Variants in ITGAM observed in about 807,000 individuals in gnomAD.
ITGAM encodes the protein integrin alpha-M.
ITGAM carries 79 observed loss-of-function variants against 137.5 expected under a neutral mutation model. The ratio of observed to expected loss-of-function variants is 0.57; its 90% CI spans 0.48 to 0.69. The LOEUF (loss-of-function observed/expected upper bound fraction) is 0.69, where lower values mean the gene tolerates loss of function less well. ITGAM is among the 30% of genes least tolerant of loss of function. The pLI is 0.00. For missense variants in ITGAM, 1,343 were observed against 1,483.5 expected (o/e 0.91, Z 1.56); for synonymous variants, 583 against 592.3 (o/e 0.98, Z 0.23).
In ITGAM at chr16:31,329,393, G is replaced by T. The variant is rs139940890; in HGVS notation, c.2868+90G>T. 4.9e-4 allele frequency: 462 copies of T among 948,706 alleles called. 7 individuals carry two copies. In the East Asian group the frequency reaches 0.012, roughly 24 times the overall value. The allele number at this position is 948,706 out of a possible 1,614,324, so 58.8% of individuals were successfully genotyped here. ...GCAGAAACAGGGATGGGAAATGTGC[G>T]CAAGGCACCTGTGGTGTGCCAGGCT... On this transcript the variant is annotated intron_variant, in intron 24 of 29. Transcript: ENST00000544665.
intron 14 of ITGAM, among the ~76,000 whole-genome samples, chr16:31,311,181 C>T (rs2080325887): frequency 6.6e-6 from 1 of 152,122 alleles, no homozygotes; most frequent in South Asian, 2.1e-4. Flanking sequence ...CATAAAAACC[C>T]TAGAAGAAAA....
chr16:31,267,872 G>A (rs1041343383), intron 5 of ITGAM, among the ~76,000 whole-genome samples: 1 of 152,000 alleles, frequency 6.6e-6, no homozygotes, highest in Admixed American at 6.6e-5. Context: ...TCGAATTCCT[G>A]GGCTCAAGAG....
intron 14 of ITGAM, among the ~76,000 whole-genome samples, chr16:31,300,678 A>G (rs958401975): frequency 4.6e-5 from 7 of 152,240 alleles, no homozygotes; most frequent in Non-Finnish European, 8.8e-5. Flanking sequence ...TGGGAAGCCG[A>G]GGCGGGTGTA....
chr16:31,271,706 C>A, intron 6 of ITGAM, 141 bp from the exon 7 acceptor site: 9 of 995,192 alleles, frequency 9.0e-6, no homozygotes, highest in Non-Finnish European at 1.2e-5. Flanking sequence ...AGCTCTCCGT[C>A]CTGGTGAGGC....
intron 12 of ITGAM, among the ~76,000 whole-genome samples, chr16:31,291,415 A>G (rs2080085730): frequency 6.6e-6 from 1 of 152,068 alleles, no homozygotes. Context: ...GAGCCTCCAT[A>G]TTGTTCTCTA....
At chr16:31,311,082 T>C (rs955521552) in intron 14 of ITGAM, among the ~76,000 whole-genome samples, 2 of 152,156 alleles carry the variant, frequency 1.3e-5, no homozygotes, top group Non-Finnish European at 2.9e-5. Flanking sequence ...GCTGGCCATA[T>C]GTAGAAAGCT....
At chr16:31,288,796 G>A (rs2080055995) in intron 12 of ITGAM, among the ~76,000 whole-genome samples, 1 of 152,120 alleles carries the variant, frequency 6.6e-6, no homozygotes, top group African/African-American at 2.4e-5. Context: ...CACAGCAAAA[G>A]AAACTACCAT....
chr16:31,319,252 C>G (rs1347234452), intron 14 of ITGAM, among the ~76,000 whole-genome samples: 2 of 146,834 alleles, frequency 1.4e-5, no homozygotes, highest in Non-Finnish European at 3.0e-5. Context: ...TTTTTTTTGT[C>G]TAGTTGTTCT....
chr16:31,312,990 C>T (rs573672340), intron 14 of ITGAM, among the ~76,000 whole-genome samples: 26 of 151,452 alleles, frequency 1.7e-4, no homozygotes, highest in African/African-American at 4.8e-4. Context: ...GAGGCCGAGG[C>T]GGGCGGATCA....
chr16:31,296,496 A>G (rs576713011), intron 12 of ITGAM, among the ~76,000 whole-genome samples: 1 of 152,302 alleles, frequency 6.6e-6, no homozygotes, highest in Admixed American at 6.5e-5. Flanking sequence ...ACTCTTCCCC[A>G]ATAAATCTGA....
intron 14 of ITGAM, among the ~76,000 whole-genome samples, chr16:31,309,899 T>G (rs895811548): frequency 6.6e-6 from 1 of 151,980 alleles, no homozygotes; most frequent in Non-Finnish European, 1.5e-5. Context: ...TTTTATTTCT[T>G]CTTCACTTAT....
chr16:31,321,861 A>C (rs997729835), intron 16 of ITGAM, among the ~76,000 whole-genome samples: 1 of 152,204 alleles, frequency 6.6e-6, no homozygotes. Flanking sequence ...AGTTCTCCAG[A>C]GAACTGAAGG....
chr16:31,311,009 A>T (rs1015466461), intron 14 of ITGAM, among the ~76,000 whole-genome samples: 2 of 152,136 alleles, frequency 1.3e-5, no homozygotes, highest in Non-Finnish European at 2.9e-5. Context: ...TCTTTGACAA[A>T]CCTGACAAAA....
intron 11 of ITGAM, among the ~76,000 whole-genome samples, chr16:31,277,388 C>T (rs1306138304): frequency 6.7e-5 from 10 of 148,722 alleles, no homozygotes; most frequent in Admixed American, 1.3e-4. Flanking sequence ...AATGGGGTTT[C>T]GCTCTTGTTG....
At chr16:31,266,762 T>C (rs930112478) in intron 5 of ITGAM, among the ~76,000 whole-genome samples, 4 of 151,952 alleles carry the variant, frequency 2.6e-5, no homozygotes, top group African/African-American at 7.2e-5. Context: ...CAAGGTGTCA[T>C]TGGCAAGAGG....
In ITGAM at chr16:31,330,828, GAGTC is replaced by G. The variant is rs535511378; in HGVS notation, c.3276+226_3276+229del. Among the ~76,000 whole-genome samples the G allele has an allele frequency of 2.8e-4, 42 of 151,484 alleles. No individual in the cohort carries two copies. The East Asian group carries it at 6.0e-3, about 22-fold the overall frequency. On this transcript the variant is annotated intron_variant, in intron 28 of 29. Coordinates refer to ENST00000544665, the MANE Select transcript of ITGAM (RefSeq NM_000632.4). ...GACAGACAAAGGAGAGAGAGATAGA[GAGTC>G]AGAGAGATAGAGATAGAGACAGAGA... is the stretch of plus-strand genomic sequence containing the variant.
At chr16:31,320,318 T>C (rs2080435960) in intron 14 of ITGAM, among the ~76,000 whole-genome samples, 1 of 152,234 alleles carries the variant, frequency 6.6e-6, no homozygotes, top group Non-Finnish European at 1.5e-5. Flanking sequence ...AGTAACATAA[T>C]TTTAGCTATA....
In ITGAM at chr16:31,326,946, C is replaced by T; in HGVS notation, c.2708+11C>T. ...GGCCAATGTGACCAGGTGCTCTCTG[C>T]TACCAGGCTTCTGCAGGCAGTTGCC... On this transcript the variant is annotated intron_variant, in intron 22 of 29. Coordinates refer to ENST00000544665, the MANE Select transcript of ITGAM (RefSeq NM_000632.4). 1 of 1,604,194 alleles carries T rather than the reference C, an allele frequency of 6.2e-7. No individual in the cohort carries two copies.
chr16:31,330,203 C>A, intron 26 of ITGAM, 39 bp downstream of exon 26: 1 of 1,601,950 alleles, frequency 6.2e-7, no homozygotes, highest in South Asian at 1.1e-5. Context: ...CACAGAGACC[C>A]AGAGCGCTTC....
Sources: allele counts gnomAD v4.1 joint callset (sites outside exome capture counted in the v4.1 genomes callset), GRCh38; gene constraint gnomAD v4.1.1; transcripts MANE v1.5; gene names NCBI Gene and HGNC (gene_info 2026-07-23, HGNC 2026-07-21).